Variants in NTRK3 observed in about 807,000 individuals in gnomAD.
The protein encoded by NTRK3 is NT-3 growth factor receptor.
NTRK3 carries 24 observed loss-of-function variants against 91.7 expected under a neutral mutation model. That is an observed-to-expected ratio of 0.26 (90% confidence interval 0.19 to 0.37). The LOEUF is 0.37. NTRK3 is among the 10% of genes least tolerant of loss of function. NTRK3 has a pLI of 1.00. For missense variants in NTRK3, 880 were observed against 1,068.9 expected (o/e 0.82, Z 2.46); for synonymous variants, 483 against 404.0 (o/e 1.20, Z -2.34).
chr15:87,958,131 C>G (rs1596403085), intron 14 of NTRK3, among the ~76,000 whole-genome samples: 1 of 152,140 alleles, frequency 6.6e-6, no homozygotes, highest in East Asian at 1.9e-4. Context: ...CACACAATTC[C>G]ACAAATTAGT....
intron 14 of NTRK3, among the ~76,000 whole-genome samples, chr15:87,960,572 C>T (rs2141195802): frequency 6.6e-6 from 1 of 152,184 alleles, no homozygotes; most frequent in Middle Eastern, 3.4e-3. Context: ...GCAACCTCTG[C>T]CTCCCAGGTT....
At chr15:88,195,835 A>C (rs2047769842) in intron 3 of NTRK3, among the ~76,000 whole-genome samples, 1 of 152,194 alleles carries the variant, frequency 6.6e-6, no homozygotes, top group Non-Finnish European at 1.5e-5. Context: ...GCTGGCTTGA[A>C]AGTAATCCAA....
At chr15:88,037,562 A>AAAAG (rs909549567) in intron 13 of NTRK3, among the ~76,000 whole-genome samples, 41 of 151,516 alleles carry the variant, frequency 2.7e-4, no homozygotes, top group South Asian at 4.2e-4. Flanking sequence ...ACTCCCTCTC[A>AAAAG]AAAGAAAGAA....
chr15:87,940,587 C>T (rs1323355549), intron 15 of NTRK3, 36 bp downstream of exon 15: 3 of 1,612,664 alleles, frequency 1.9e-6, no homozygotes, highest in Non-Finnish European at 2.5e-6. Flanking sequence ...CCTCAGCCAG[C>T]CCTCCTCCTG....
chr15:88,057,185 A>T lies in NTRK3; in HGVS notation c.1397-24140T>A, dbSNP rs148268771. On this transcript the variant is annotated intron_variant, in intron 13 of 18. Transcript: ENST00000394480. ...CTCCGTCTCAAAAAAAAAAAAAAAG[A>T]AAAAAAGAAAAAAAGAAATGTGTCC... Among the ~76,000 whole-genome samples, 1,122 of 146,870 alleles carry T rather than the reference A, an allele frequency of 7.6e-3. 14 individuals are homozygous for T. The highest frequency in any genetic ancestry group is 0.027 in the African/African-American group (1,079 of 39,776).
chr15:88,031,159 T>C (rs2078499755), intron 14 of NTRK3, among the ~76,000 whole-genome samples: 2 of 152,222 alleles, frequency 1.3e-5, no homozygotes, highest in South Asian at 2.1e-4. Flanking sequence ...AGGTTATGTA[T>C]TGACTGGTTG....
chr15:87,957,183 AG>A (rs2071755924), intron 14 of NTRK3, among the ~76,000 whole-genome samples: 1 of 152,084 alleles, frequency 6.6e-6, no homozygotes, highest in Non-Finnish European at 1.5e-5. Flanking sequence ...TAATAATACT[AG>A]AGCGAGCCTG....
intron 3 of NTRK3, among the ~76,000 whole-genome samples, chr15:88,229,939 T>C (rs763523750): frequency 6.6e-6 from 1 of 152,210 alleles, no homozygotes; most frequent in Admixed American, 6.5e-5. Flanking sequence ...TGTACAGAAC[T>C]GGGTAGCACA....
At chr15:87,935,579 A>C (rs1242680127) in intron 15 of NTRK3, among the ~76,000 whole-genome samples, 1 of 152,174 alleles carries the variant, frequency 6.6e-6, no homozygotes, top group African/African-American at 2.4e-5. Flanking sequence ...AAGAAGAAGA[A>C]GAAGGGGAAA....
chr15:88,216,779 G>C (rs2049811194), intron 3 of NTRK3, among the ~76,000 whole-genome samples: 1 of 152,160 alleles, frequency 6.6e-6, no homozygotes, highest in Admixed American at 6.6e-5. Context: ...CCCATGGCAA[G>C]AGCTCCAGAA....
chr15:88,085,294 C>T (rs1188927954), intron 13 of NTRK3, among the ~76,000 whole-genome samples: 2 of 152,226 alleles, frequency 1.3e-5, no homozygotes, highest in Non-Finnish European at 2.9e-5. Context: ...CATATTCATG[C>T]CCCTCCATGT....
At chr15:87,907,349 T>C (rs549601220) in intron 17 of NTRK3, among the ~76,000 whole-genome samples, 11 of 152,210 alleles carry the variant, frequency 7.2e-5, no homozygotes, top group African/African-American at 2.4e-4. Context: ...GTACTGAAAA[T>C]CTTAAACTTT....
At chr15:88,057,161 T>A (rs991277619) in intron 13 of NTRK3, among the ~76,000 whole-genome samples, 2 of 121,520 alleles carry the variant, frequency 1.6e-5, no homozygotes, top group Non-Finnish European at 3.4e-5. Flanking sequence ...AGAGCGAAAC[T>A]CCGTCTCAAA....
chr15:88,079,389 C>T (rs1489388356), intron 13 of NTRK3, among the ~76,000 whole-genome samples: 1 of 152,182 alleles, frequency 6.6e-6, no homozygotes, highest in Admixed American at 6.5e-5. Context: ...GACGGATATA[C>T]CAGGATGCCC....
At chr15:87,926,373 T>C (rs1055385436) in intron 17 of NTRK3, among the ~76,000 whole-genome samples, 1 of 152,228 alleles carries the variant, frequency 6.6e-6, no homozygotes, top group Non-Finnish European at 1.5e-5. Flanking sequence ...TTTCCAATGG[T>C]GTGCTGTGTA....
At chr15:88,165,379 T>C (rs1175273351) in intron 5 of NTRK3, among the ~76,000 whole-genome samples, 1 of 152,194 alleles carries the variant, frequency 6.6e-6, no homozygotes, top group Non-Finnish European at 1.5e-5. Context: ...CAAACTCAAC[T>C]CATTATTTCT....
chr15:88,253,145 G>A (rs2053606637), intron 3 of NTRK3: 1 of 152,154 alleles, frequency 6.6e-6, no homozygotes, highest in Admixed American at 6.5e-5. Context: ...CTATACCCTG[G>A]GGCAGCCACC....
chr15:88,126,229 T>A (rs755544347), intron 13 of NTRK3, 42 bp downstream of exon 13: 21 of 1,382,748 alleles, frequency 1.5e-5, no homozygotes, highest in Non-Finnish European at 2.1e-5. Flanking sequence ...AGCAGTAATG[T>A]TTCCCCCCAT....
At chr15:88,152,562 T>G (rs1187683261) in intron 5 of NTRK3, among the ~76,000 whole-genome samples, 2 of 152,228 alleles carry the variant, frequency 1.3e-5, no homozygotes, top group East Asian at 1.9e-4. Context: ...AATGACACTT[T>G]GATCTTAGGC....
Sources: gnomAD v4.1 joint callset for allele counts (sites outside exome capture counted in the v4.1 genomes callset) on GRCh38, gnomAD v4.1.1 for gene constraint, MANE v1.5 for transcripts, NCBI Gene and HGNC (gene_info 2026-07-23, HGNC 2026-07-21) for gene names.